Variants in ALOXE3 observed in about 807,000 individuals in gnomAD.
ALOXE3 encodes arachidonate epidermal lipoxygenase 3.
A neutral mutation model predicts 87.5 loss-of-function variants in ALOXE3; 78 were observed. The ratio of observed to expected loss-of-function variants is 0.89; its 90% CI spans 0.74 to 1.08. ALOXE3 has a LOEUF of 1.08. ALOXE3 is among the 50% of genes least tolerant of loss of function. The pLI is 0.00. For synonymous variants in ALOXE3, 363 were observed against 370.8 expected, an observed-to-expected ratio of 0.98 and a Z score of 0.24; for missense variants, 946 against 912.4, an observed-to-expected ratio of 1.04 and a Z score of -0.47.
Position 8,114,973 on chromosome 17 carries a change from C to T in ALOXE3, c.519G>A (p.Leu173=), listed in dbSNP as rs1333767482. ...QEMESDKKFA[L]TKTTTCVDQG... is the part of the protein sequence containing the mutation. ...GGTCTACACAAGTTGTCGTCTTTGT[C>T]AAGGCAAATTTCTTGTCTGACTCCA... Residue 173 remains leucine, a synonymous_variant, in exon 5 of 16, where the codon TTG becomes TTA. Coordinates refer to ENST00000448843, the MANE Select transcript of ALOXE3 (RefSeq NM_021628.3). The T allele has an allele frequency of 6.2e-7, 1 of 1,614,152 alleles. No individual in the cohort carries two copies. The highest frequency in any genetic ancestry group is 8.5e-7 in the Non-Finnish European group (1 of 1,180,032).
chr17:8,117,795 C>T (rs773335515), intron 2 of ALOXE3, 49 bp downstream of exon 2: 5 of 1,590,590 alleles, frequency 3.1e-6, no homozygotes, highest in East Asian at 2.3e-5. Context: ...CTCCCGCCTG[C>T]GGCCCCTGCC....
At chr17:8,108,152 G>T (rs564815322) in intron 13 of ALOXE3, among the ~76,000 whole-genome samples, 1 of 152,172 alleles carries the variant, frequency 6.6e-6, no homozygotes, top group East Asian at 1.9e-4. Flanking sequence ...TCTGAAGTCA[G>T]AGATGGCTCC....
intron 15 of ALOXE3, among the ~76,000 whole-genome samples, 190 bp from the exon 16 acceptor site, chr17:8,096,996 A>G (rs1016055511): frequency 6.6e-6 from 1 of 152,186 alleles, no homozygotes; most frequent in African/African-American, 2.4e-5. Flanking sequence ...CCCAAACCCC[A>G]AACAGAGTAG....
chr17:8,115,735 A>G, intron 3 of ALOXE3, 47 bp from the exon 4 acceptor site: 1 of 1,571,168 alleles, frequency 6.4e-7, no homozygotes, highest in East Asian at 2.2e-5. Flanking sequence ...TTTTCCAACA[A>G]CATCTTCTGC....
intron 15 of ALOXE3, among the ~76,000 whole-genome samples, chr17:8,100,802 A>T (rs577855566): frequency 3.3e-5 from 5 of 152,016 alleles, no homozygotes; most frequent in Non-Finnish European, 7.4e-5. Flanking sequence ...GATTTCTAAA[A>T]CTGTAGTATA....
chr17:8,106,631 G>C (rs1043220327), intron 13 of ALOXE3, among the ~76,000 whole-genome samples: 1 of 152,160 alleles, frequency 6.6e-6, no homozygotes, highest in Non-Finnish European at 1.5e-5. Flanking sequence ...TATGGAACCT[G>C]ACCGAAATGG....
At chr17:8,108,217 G>T (rs1434266684) in intron 13 of ALOXE3, among the ~76,000 whole-genome samples, 1 of 152,132 alleles carries the variant, frequency 6.6e-6, no homozygotes, top group African/African-American at 2.4e-5. Flanking sequence ...GAATGGGTGG[G>T]CTTGTGGAAA....
intron 6 of ALOXE3, among the ~76,000 whole-genome samples, chr17:8,113,398 A>G (rs1406211015): frequency 6.6e-6 from 1 of 152,242 alleles, no homozygotes; most frequent in Non-Finnish European, 1.5e-5. Context: ...CACGCCTATA[A>G]TCCCAGCACT....
In ALOXE3 at chr17:8,099,840, C is replaced by T. The variant is rs192095226; in HGVS notation, c.1957-3034G>A. Among the ~76,000 whole-genome samples the T allele has an allele frequency of 6.3e-3, 951 of 152,112 alleles. 6 individuals are homozygous for T. The highest frequency in any genetic ancestry group is 9.4e-3 in the Admixed American group (144 of 15,286). ...ATCCCAGCACATTGGGAGGCTAAGGCAGGAGGATCACTTTAGCCCAGGAGT... is the reference window on the plus strand; with the variant it reads ...ATCCCAGCACATTGGGAGGCTAAGGTAGGAGGATCACTTTAGCCCAGGAGT... On this transcript the variant is annotated intron_variant, in intron 15 of 15. Transcript: ENST00000448843.
At chr17:8,104,633 C>G (rs865934529) in intron 13 of ALOXE3, among the ~76,000 whole-genome samples, 5 of 152,156 alleles carry the variant, frequency 3.3e-5, no homozygotes, top group Non-Finnish European at 7.4e-5. Context: ...ACGCAGAGGG[C>G]GTGTTACTGA....
intron 2 of ALOXE3, 33 bp downstream of exon 2, chr17:8,117,811 G>A: frequency 6.2e-7 from 1 of 1,603,932 alleles, no homozygotes; most frequent in Non-Finnish European, 8.5e-7. Flanking sequence ...CTGCCCCTCT[G>A]AGGTCGCGCT....
Position 8,114,498 on chromosome 17 carries a change from G to A in ALOXE3, c.666C>T (p.Phe222=). Residue 222 remains phenylalanine (F), a synonymous_variant, in exon 6 of 16, where the codon TTC becomes TTT. Coordinates refer to ENST00000448843, the MANE Select transcript of ALOXE3 (RefSeq NM_021628.3). ...YSATKTISLL[F]NAIPASLGMK... is the part of the protein sequence containing the mutation. ...AATGGCCTTACGCAGGGATGGCATT[G>A]AAGAGCAGCGAGATCGTCTTGGTGG... is the stretch of plus-strand genomic sequence containing the variant. 1 of 1,614,070 alleles carries A rather than the reference G, an allele frequency of 6.2e-7. No homozygotes were observed. Among genetic ancestry groups the A allele is most frequent in the Non-Finnish European group, 8.5e-7 (1 of 1,179,988 alleles).
At chr17:8,109,478 A>T (rs1312800369) in intron 11 of ALOXE3, 135 bp from the exon 12 acceptor site, 2 of 1,204,150 alleles carry the variant, frequency 1.7e-6, no homozygotes. Flanking sequence ...TCAAATACCC[A>T]CGAGGGCCTG....
chr17:8,114,500 A>C lies in ALOXE3; in HGVS notation c.664T>G (p.Phe222Val). The C allele has an allele frequency of 6.2e-7, 1 of 1,614,046 alleles. No homozygotes were observed. Among genetic ancestry groups the C allele is most frequent in the East Asian group, 2.2e-5 (1 of 44,880 alleles). ...TGGCCTTACGCAGGGATGGCATTGA[A>C]GAGCAGCGAGATCGTCTTGGTGGCT... is the stretch of plus-strand genomic sequence containing the variant. ...YSATKTISLL[F>V]NAIPASLGMK... The change falls in exon 6 of 16, where the codon TTC becomes GTC. Residue 222 changes from phenylalanine to valine, a missense_variant. Coordinates refer to ENST00000448843, the MANE Select transcript of ALOXE3 (RefSeq NM_021628.3).
chr17:8,106,003 G>A (rs560622497), intron 13 of ALOXE3, among the ~76,000 whole-genome samples: 2 of 151,672 alleles, frequency 1.3e-5, no homozygotes, highest in South Asian at 4.2e-4. Flanking sequence ...AATTGGAGGT[G>A]AGGCTGCAGA....
At chr17:8,100,211 G>A (rs538156618) in intron 15 of ALOXE3, among the ~76,000 whole-genome samples, 8 of 152,294 alleles carry the variant, frequency 5.3e-5, no homozygotes, top group East Asian at 3.9e-4. Context: ...GCCTAGACTT[G>A]AAGAAATCTG....
At chr17:8,098,727 CT>C (rs1978729923) in intron 15 of ALOXE3, among the ~76,000 whole-genome samples, 1 of 152,106 alleles carries the variant, frequency 6.6e-6, no homozygotes, top group South Asian at 2.1e-4. Context: ...CCTTTCATTC[CT>C]TTCATTCCTA....
rs1046226453 is a variant in ALOXE3, at chr17:8,112,162, G to A, written c.715C>T (p.Arg239Cys). The A allele has an allele frequency of 2.5e-6, 4 of 1,614,000 alleles. No individual in the cohort carries two copies. The highest frequency in any genetic ancestry group is 1.3e-5 in the African/African-American group (1 of 74,896). ...TCCAGCTTCTTCCAGGAGCCCTTGCGATCCAACAGCCCTCGAAGCTTCATT... is the reference window on the plus strand; with the variant it reads ...TCCAGCTTCTTCCAGGAGCCCTTGCAATCCAACAGCCCTCGAAGCTTCATT... ...LGMKLRGLLDRKGSWKKLDDM... is the reference protein window; with the variant it reads ...LGMKLRGLLDCKGSWKKLDDM... Residue 239 changes from arginine (R) to cysteine (C), a missense_variant, in exon 7 of 16, where the codon CGC (arginine) becomes TGC (cysteine). By Grantham distance (180) the Arg-to-Cys change is radical. Coordinates refer to ENST00000448843, the MANE Select transcript of ALOXE3 (RefSeq NM_021628.3).
chr17:8,109,984 G>C lies in ALOXE3; in HGVS notation c.1324C>G (p.Arg442Gly). ...ATGGTGTTCACCTGCAGCGTGTATC[G>C]AGTGTGGGGGAGTAGGAGCTGCGAG... Reference protein sequence around the residue: ...PIYKLLLPHTRYTLQVNTIAR... With the variant: ...PIYKLLLPHTGYTLQVNTIAR... Residue 442 changes from arginine to glycine, a missense_variant, in exon 11 of 16, where the codon CGA becomes GGA. By Grantham distance (125) the Arg-to-Gly change is moderately radical. Coordinates refer to ENST00000448843, the MANE Select transcript of ALOXE3 (RefSeq NM_021628.3). 6.4e-7 allele frequency: 1 copy of C among 1,552,900 alleles called. No homozygotes were observed. The highest frequency in any genetic ancestry group is 8.7e-7 in the Non-Finnish European group (1 of 1,147,722).
Sources: allele counts gnomAD v4.1 joint callset (sites outside exome capture counted in the v4.1 genomes callset), GRCh38; gene constraint gnomAD v4.1.1; transcripts MANE v1.5; gene names NCBI Gene and HGNC (gene_info 2026-07-23, HGNC 2026-07-21).